Variants in SYCP2L observed in about 807,000 individuals in gnomAD.
The protein encoded by SYCP2L is synaptonemal complex protein 2-like.
Under a neutral mutation model 125.8 loss-of-function variants are expected in SYCP2L, and 98 were observed. That is an observed-to-expected ratio of 0.78 (90% CI 0.66 to 0.92). The LOEUF (loss-of-function observed/expected upper bound fraction) is 0.92, where lower values mean the gene tolerates loss of function less well. Among genes scored for constraint, SYCP2L ranks in the 40% least tolerant of loss-of-function variants. SYCP2L has a pLI of 0.00. For missense variants in SYCP2L, 842 were observed against 936.4 expected (o/e 0.90, Z 1.32); for synonymous variants, 317 against 325.4 (o/e 0.97, Z 0.28).
chr6:10,906,604 T>G lies in SYCP2L; in HGVS notation c.676+550T>G, dbSNP rs1297156067. On this transcript the variant is annotated intron_variant, in intron 9 of 29. Coordinates refer to ENST00000283141, the MANE Select transcript of SYCP2L (RefSeq NM_001040274.3). ...GGATTTTATTTTGTAGTAGAAACTT[T>G]TTTTTTTTTTTTGATGGAGTTTTGC... is the stretch of plus-strand genomic sequence containing the variant. 2.0e-5 allele frequency among the ~76,000 whole-genome samples: 3 copies of G among 149,686 alleles called. No homozygotes were observed. In the East Asian group the frequency reaches 5.8e-4, roughly 29 times the overall value.
intron 6 of SYCP2L, among the ~76,000 whole-genome samples, chr6:10,901,468 TCTTA>T (rs1581817845): frequency 1.3e-5 from 2 of 152,340 alleles, no homozygotes; most frequent in East Asian, 3.9e-4. Context: ...TGAATCCAAA[TCTTA>T]CTTTAGCTCA....
chr6:10,954,994 A>C lies in SYCP2L; in HGVS notation c.1955-122A>C, dbSNP rs1266693587. 2 of 691,126 alleles carry C rather than the reference A, an allele frequency of 2.9e-6. No individual in the cohort carries two copies. The highest frequency in any genetic ancestry group is 5.2e-6 in the Non-Finnish European group (2 of 385,390). The allele number at this position is 691,126 out of a possible 1,614,324, so 42.8% of individuals were successfully genotyped here. ...GTGCCTAGTCGATGCACCGAATGATAACTCATTAGCAACAGGCAGGGGACA... is the reference window on the plus strand; with the variant it reads ...GTGCCTAGTCGATGCACCGAATGATCACTCATTAGCAACAGGCAGGGGACA... On this transcript the variant is annotated intron_variant, in intron 23 of 29. Transcript: ENST00000283141. The surrounding 1 kb of genome is among the most constrained non-coding windows in gnomAD (Gnocchi z 4.8).
chr6:10,894,035 A>G (rs6456745), intron 3 of SYCP2L, 31 bp downstream of exon 3: 650,806 of 1,601,852 alleles, frequency 0.41, 135,449 homozygotes, highest in Non-Finnish European at 0.44. Context: ...ACCAAAATAC[A>G]AATGTATAAT....
In SYCP2L at chr6:10,931,488, A is replaced by G. The variant is rs1333855184; in HGVS notation, c.1682A>G (p.Gln561Arg). 4.3e-6 allele frequency: 7 copies of G among 1,614,074 alleles called. No individual in the cohort carries two copies. In the East Asian group the frequency reaches 6.7e-5, roughly 15 times the overall value. The change falls in exon 20 of 30, where the codon CAA becomes CGA. Residue 561 changes from glutamine to arginine, a missense_variant and splice_region_variant. Coordinates refer to ENST00000283141, the MANE Select transcript of SYCP2L (RefSeq NM_001040274.3). ...AGTGGCAGTGGCCATGAGAAAGACC[A>G]AGTAAGTACATTGTATCTGGGTTGC... ...PSSGSGHEKD[Q>R]AKLLSPSEKE... is the part of the protein sequence containing the mutation.
At chr6:10,968,916 T>G (rs1370651382) in intron 29 of SYCP2L, among the ~76,000 whole-genome samples, 3 of 152,216 alleles carry the variant, frequency 2.0e-5, no homozygotes, top group African/African-American at 7.2e-5. Flanking sequence ...TGGTACCACT[T>G]CGTGAGTTTT....
intron 14 of SYCP2L, among the ~76,000 whole-genome samples, chr6:10,921,400 A>G (rs938552033): frequency 6.6e-6 from 1 of 152,182 alleles, no homozygotes; most frequent in African/African-American, 2.4e-5. Context: ...ATACCCAGTA[A>G]TGGGATTGCT....
intron 29 of SYCP2L, among the ~76,000 whole-genome samples, chr6:10,966,272 C>A (rs9468124): frequency 0.059 from 9,038 of 152,198 alleles, 871 homozygotes; most frequent in African/African-American, 0.2. Flanking sequence ...TCTACTAATA[C>A]ATTAATTACC....
At position 10,912,563 on chromosome 6, in the gene SYCP2L, TA is replaced by T; in HGVS notation, c.919-108del. ...CAATAGAGGCCCTATAATGCTAGGATAATGCTGTTCCAGGAAGAGCACAAAT... is the reference window on the plus strand; with the variant it reads ...CAATAGAGGCCCTATAATGCTAGGATATGCTGTTCCAGGAAGAGCACAAAT... On this transcript the variant is annotated intron_variant, in intron 12 of 29. Transcript: ENST00000283141. This position sits in a 1 kb window ranked among gnomAD's most constrained non-coding sequence, Gnocchi z 4.1. 1.3e-6 allele frequency: 1 copy of T among 754,912 alleles called. No homozygotes were observed. 46.8% of individuals were successfully genotyped at this position (754,912 alleles called of 1,614,324 possible). A position where few individuals can be genotyped will look rare whatever the true frequency, so the allele number is the denominator to read the frequency against.
intron 20 of SYCP2L, among the ~76,000 whole-genome samples, chr6:10,931,979 AG>A (rs1480398037): frequency 1.5e-5 from 2 of 137,342 alleles, no homozygotes; most frequent in African/African-American, 5.4e-5. Context: ...AAAAAAAAAA[AG>A]ATTGAGGGTC....
chr6:10,891,353 T>G (rs2113280484), intron 1 of SYCP2L, among the ~76,000 whole-genome samples, 160 bp from the exon 2 acceptor site: 1 of 152,158 alleles, frequency 6.6e-6, no homozygotes, highest in Non-Finnish European at 1.5e-5. Flanking sequence ...CTAAGTACTA[T>G]TTTACTTAGA....
At chr6:10,888,269 G>C (rs1780115441) in intron 1 of SYCP2L, among the ~76,000 whole-genome samples, 1 of 151,514 alleles carries the variant, frequency 6.6e-6, no homozygotes, top group South Asian at 2.1e-4. Context: ...GGTAATTTTT[G>C]TATTTCTAGT....
rs761510702 is a variant in SYCP2L, at chr6:10,907,575, T to C, written c.710T>C (p.Leu237Pro). Residue 237 changes from leucine to proline, a missense_variant, in exon 10 of 30, where the codon CTG (leucine) becomes CCG (proline). Leu to Pro is a moderately conservative substitution (Grantham distance 98, BLOSUM62 -3). Transcript: ENST00000283141. The part of the protein sequence containing the change: ...YDQQVAISEA[L>P]CRLTIKKSRD... ...CAGCAGGTTGCTATTTCTGAAGCGC[T>C]GTGTAGACTGACGATTAAAAAATCA... 12 of 1,613,646 alleles carry C rather than the reference T, an allele frequency of 7.4e-6. No homozygotes were observed. Among genetic ancestry groups the C allele is most frequent in the Non-Finnish European group, 1.0e-5 (12 of 1,179,804 alleles).
intron 20 of SYCP2L, among the ~76,000 whole-genome samples, chr6:10,933,297 T>C (rs1199071627): frequency 6.6e-6 from 1 of 152,234 alleles, no homozygotes; most frequent in East Asian, 1.9e-4. Flanking sequence ...TCTGCCTTTG[T>C]AGCCAGAAAA....
At chr6:10,926,512 A>C (rs1780899931) in intron 16 of SYCP2L, 80 bp downstream of exon 16, 1 of 1,119,032 alleles carries the variant, frequency 8.9e-7, no homozygotes, top group East Asian at 2.4e-5. Flanking sequence ...GGTCACTGGA[A>C]ACCTGTGGTC....
At chr6:10,919,200 A>G (rs1430344115) in intron 14 of SYCP2L, among the ~76,000 whole-genome samples, 2 of 152,118 alleles carry the variant, frequency 1.3e-5, no homozygotes, top group Non-Finnish European at 1.5e-5. Flanking sequence ...TCATTTGGGT[A>G]GGCTCTGTCA....
intron 15 of SYCP2L, among the ~76,000 whole-genome samples, chr6:10,925,810 T>C (rs778951133): frequency 6.6e-6 from 1 of 152,216 alleles, no homozygotes; most frequent in African/African-American, 2.4e-5. Flanking sequence ...AAATTACATA[T>C]GTTCTGAAGA....
At position 10,924,644 on chromosome 6, in the gene SYCP2L, G is replaced by A; in HGVS notation, c.1218+3G>A. On this transcript the variant is annotated splice_donor_region_variant and intron_variant, in intron 15 of 29. Coordinates refer to ENST00000283141, the MANE Select transcript of SYCP2L (RefSeq NM_001040274.3). ...AAGCTTTAGGAGAAGACAAACAGGT[G>A]GCAGGTTTCATTCTTTTGGATTATT... 1 of 1,551,532 alleles carries A rather than the reference G, an allele frequency of 6.4e-7. No homozygotes were observed. Among genetic ancestry groups the A allele is most frequent in the Non-Finnish European group, 8.6e-7 (1 of 1,157,564 alleles).
chr6:10,970,587 G>A (rs905887030), intron 29 of SYCP2L, among the ~76,000 whole-genome samples: 1 of 152,190 alleles, frequency 6.6e-6, no homozygotes, highest in African/African-American at 2.4e-5. Flanking sequence ...CAGCTTCTAG[G>A]TTTGGGGCTT....
At chr6:10,903,333 G>T (rs971689557) in intron 8 of SYCP2L, among the ~76,000 whole-genome samples, 6 of 152,156 alleles carry the variant, frequency 3.9e-5, no homozygotes, top group Admixed American at 2.0e-4. Context: ...TGGATCACGA[G>T]GTCAGGAGAT....
Sources: gnomAD v4.1 joint callset for allele counts (sites outside exome capture counted in the v4.1 genomes callset) on GRCh38, gnomAD v4.1.1 for gene constraint, Gnocchi (gnomAD v3.1) non-coding constraint, MANE v1.5 for transcripts, NCBI Gene and HGNC (gene_info 2026-07-23, HGNC 2026-07-21) for gene names.